Variants in EXOC6 observed in about 807,000 individuals in gnomAD.
The protein encoded by EXOC6 is SEC15-like 1.
EXOC6 carries 60 observed loss-of-function variants against 112.5 expected under a neutral mutation model. That is an observed-to-expected ratio of 0.53 (90% CI 0.43 to 0.66). EXOC6 has a LOEUF of 0.66. Ranked by LOEUF, EXOC6 falls within the 30% of genes least tolerant of loss-of-function variation. EXOC6 has a pLI of 0.00. For synonymous variants in EXOC6, 295 were observed against 308.0 expected (o/e 0.96, Z 0.44); for missense variants, 855 against 957.1 (o/e 0.89, Z 1.41).
At chr10:92,907,059 A>G (rs4933242) in intron 5 of EXOC6, among the ~76,000 whole-genome samples, 119,049 of 152,018 alleles carry the variant, frequency 0.78, 47,879 homozygotes, top group East Asian at 1. Flanking sequence ...CTCTGCCTAA[A>G]ATGATAAACT....
In EXOC6 at chr10:92,896,171, ATATATATATATTTTTTTTTTT is replaced by A. The variant is rs1849792519; in HGVS notation, c.412+1153_412+1173del. ...TGTATATATATATATATATATATAT[ATATATATATATTTTTTTTTTT>A]TTTTTTTTTTTTTTTTTTTTTTTTT... is the stretch of plus-strand genomic sequence containing the variant. On this transcript the variant is annotated intron_variant, in intron 4 of 21. Coordinates refer to ENST00000260762, the MANE Select transcript of EXOC6 (RefSeq NM_019053.6). Among the ~76,000 whole-genome samples, 10 of 25,222 alleles carry A rather than the reference ATATATATATATTTTTTTTTTT, an allele frequency of 4.0e-4. 1 individual carries two copies. The highest frequency in any genetic ancestry group is 2.4e-3 in the Admixed American group (3 of 1,272). The allele number at this position is 25,222 out of a possible 152,430, so 16.5% of individuals were successfully genotyped here.
At chr10:92,943,373 C>T (rs1852785230) in intron 13 of EXOC6, among the ~76,000 whole-genome samples, 1 of 151,930 alleles carries the variant, frequency 6.6e-6, no homozygotes, top group Non-Finnish European at 1.5e-5. Flanking sequence ...TGACCCGTAT[C>T]CTTAAATATT....
chr10:92,852,540 A>T (rs186181615), intron 1 of EXOC6, among the ~76,000 whole-genome samples: 1 of 152,356 alleles, frequency 6.6e-6, no homozygotes, highest in East Asian at 1.9e-4. Context: ...TATATTCTGT[A>T]TATGTATATA....
upstream of EXOC6, among the ~76,000 whole-genome samples, chr10:92,829,983 G>C (rs1846447119): frequency 6.6e-6 from 1 of 152,174 alleles, no homozygotes; most frequent in Non-Finnish European, 1.5e-5. Flanking sequence ...CCTCAATTCT[G>C]GGAATCACCC....
chr10:92,830,587 G>C (rs1236399911), upstream of EXOC6, among the ~76,000 whole-genome samples: 1 of 152,140 alleles, frequency 6.6e-6, no homozygotes, highest in African/African-American at 2.4e-5. Flanking sequence ...CGGGTCAGGT[G>C]GGGGTTTGTG....
Position 92,978,278 on chromosome 10 carries a change from C to T in EXOC6, c.1953+4046C>T, listed in dbSNP as rs542079465. ...TACAAAAATTAACTGGGCATGGTGG[C>T]GTGTACCTTTAGTCTTGGCTACTCA... On this transcript the variant is annotated intron_variant, in intron 18 of 21. Coordinates refer to ENST00000260762, the MANE Select transcript of EXOC6 (RefSeq NM_019053.6). Among the ~76,000 whole-genome samples the T allele has an allele frequency of 6.6e-5, 10 of 151,964 alleles. No individual in the cohort carries two copies. In the East Asian group the frequency reaches 7.7e-4, roughly 12 times the overall value.
intron 13 of EXOC6, among the ~76,000 whole-genome samples, chr10:92,947,424 C>A (rs1230200702): frequency 6.6e-6 from 1 of 152,202 alleles, no homozygotes; most frequent in Non-Finnish European, 1.5e-5. Flanking sequence ...AGGGGGTGTA[C>A]AGAAGAGCAC....
intron 6 of EXOC6, among the ~76,000 whole-genome samples, chr10:92,911,073 AAAAT>A (rs1850732259): frequency 6.6e-6 from 1 of 152,242 alleles, no homozygotes; most frequent in Non-Finnish European, 1.5e-5. Context: ...AAAAAGTTAA[AAAAT>A]AATTAAATTT....
At chr10:92,915,210 A>G (rs979041105) in intron 6 of EXOC6, among the ~76,000 whole-genome samples, 4 of 152,118 alleles carry the variant, frequency 2.6e-5, no homozygotes, top group Non-Finnish European at 4.4e-5. Context: ...ATGCCAACTG[A>G]GGAAATACAT....
intron 4 of EXOC6, 28 bp downstream of exon 4, chr10:92,895,048 G>A (rs371261133): frequency 9.8e-6 from 13 of 1,332,360 alleles, no homozygotes; most frequent in Admixed American, 6.9e-5. Flanking sequence ...ATAATAAAAC[G>A]TTTGGCTTGG....
intron 14 of EXOC6, 67 bp downstream of exon 14, chr10:92,948,446 TA>T (rs1452005959): frequency 2.2e-6 from 2 of 903,982 alleles, no homozygotes; most frequent in African/African-American, 3.5e-5. Flanking sequence ...TACTACATAA[TA>T]TTAAATATTA....
intron 13 of EXOC6, among the ~76,000 whole-genome samples, chr10:92,947,011 A>G (rs1234577495): frequency 6.6e-6 from 1 of 152,136 alleles, no homozygotes; most frequent in East Asian, 1.9e-4. Context: ...TCTTGTGTTT[A>G]TTGTCATGAG....
chr10:93,037,916 C>CG (rs1845586227), intron 20 of EXOC6, among the ~76,000 whole-genome samples: 1 of 150,698 alleles, frequency 6.6e-6, no homozygotes, highest in Non-Finnish European at 1.5e-5. Flanking sequence ...GGCGGGCGCC[C>CG]GTAATCCCAG....
At chr10:92,988,862 CAT>C in intron 18 of EXOC6, among the ~76,000 whole-genome samples, 1 of 151,328 alleles carries the variant, frequency 6.6e-6, no homozygotes, top group East Asian at 2.0e-4. Flanking sequence ...CATTACTAAA[CAT>C]GTGCATCCAA....
At chr10:92,838,467 T>C (rs1042152456) in intron 1 of EXOC6, among the ~76,000 whole-genome samples, 4 of 152,190 alleles carry the variant, frequency 2.6e-5, no homozygotes, top group Admixed American at 1.3e-4. Flanking sequence ...GGTCTTGCAT[T>C]TGTTTTCATT....
At chr10:92,959,698 A>G (rs187786980) in intron 17 of EXOC6, among the ~76,000 whole-genome samples, 1 of 152,340 alleles carries the variant, frequency 6.6e-6, no homozygotes, top group Admixed American at 6.5e-5. Context: ...AAATGGGCCA[A>G]AGACCTTAAC....
At chr10:92,990,445 A>AG (rs1037260272) in intron 18 of EXOC6, among the ~76,000 whole-genome samples, 1 of 152,216 alleles carries the variant, frequency 6.6e-6, no homozygotes, top group East Asian at 1.9e-4. Context: ...TAGTAATGAA[A>AG]GGGCTTTTAA....
At chr10:92,849,966 CTATGA>C (rs1228125475) in intron 1 of EXOC6, among the ~76,000 whole-genome samples, 3 of 152,226 alleles carry the variant, frequency 2.0e-5, no homozygotes, top group Non-Finnish European at 2.9e-5. Context: ...AAGGTTTCTG[CTATGA>C]TATGATAATG....
intron 17 of EXOC6, among the ~76,000 whole-genome samples, chr10:92,970,027 C>G (rs1842228772): frequency 6.6e-6 from 1 of 152,118 alleles, no homozygotes; most frequent in Non-Finnish European, 1.5e-5. Context: ...TCTAGATTTT[C>G]TGTCCTCAAC....
Sources: allele counts gnomAD v4.1 joint callset (sites outside exome capture counted in the v4.1 genomes callset), GRCh38; gene constraint gnomAD v4.1.1; transcripts MANE v1.5; gene names NCBI Gene and HGNC (gene_info 2026-07-23, HGNC 2026-07-21).